Variants in PPWD1 observed in about 807,000 individuals in gnomAD.
PPWD1 encodes peptidylprolyl isomerase domain and WD repeat containing 1, also known as peptidylprolyl isomerase domain and WD repeat-containing protein 1.
A neutral mutation model predicts 68.8 loss-of-function variants in PPWD1; 43 were observed. The observed-to-expected ratio is 0.62, with a 90% CI of 0.49 to 0.81. PPWD1 has a LOEUF of 0.81. PPWD1 is among the 30% of genes least tolerant of loss of function. PPWD1 has a pLI of 0.00. For synonymous variants in PPWD1, 232 were observed against 258.7 expected (o/e 0.90, Z 0.99); for missense variants, 672 against 804.8 (o/e 0.83, Z 2.00).
At chr5:65,571,467 C>G (rs1005624746) in intron 4 of PPWD1, among the ~76,000 whole-genome samples, 9 of 152,112 alleles carry the variant, frequency 5.9e-5, no homozygotes, top group Admixed American at 2.6e-4. Flanking sequence ...ACATGCTAAT[C>G]TATTTTAAAG....
chr5:65,565,683 C>G (rs140843173), intron 1 of PPWD1, among the ~76,000 whole-genome samples: 7 of 151,868 alleles, frequency 4.6e-5, no homozygotes, highest in African/African-American at 9.7e-5. Flanking sequence ...TGGCGCACAC[C>G]TATAATCTCA....
chr5:65,574,503 C>A (rs1478088937), intron 5 of PPWD1, among the ~76,000 whole-genome samples: 2 of 137,066 alleles, frequency 1.5e-5, no homozygotes, highest in African/African-American at 2.8e-5. Flanking sequence ...GTTGCCCAGG[C>A]CGGACTGCGG....
intron 1 of PPWD1, among the ~76,000 whole-genome samples, chr5:65,566,057 A>T (rs905340473): frequency 2.6e-5 from 4 of 152,086 alleles, no homozygotes; most frequent in Admixed American, 6.5e-5. Context: ...ACTGTGTTTT[A>T]CTCTTCTTTA....
chr5:65,568,853 A>G (rs1322419068), intron 2 of PPWD1: 2 of 453,914 alleles, frequency 4.4e-6, no homozygotes, highest in African/African-American at 2.0e-5. Context: ...AACAGTATAT[A>G]TATACATATT....
intron 5 of PPWD1, among the ~76,000 whole-genome samples, chr5:65,573,734 C>A (rs1192264953): frequency 1.3e-5 from 2 of 150,904 alleles, no homozygotes; most frequent in African/African-American, 2.4e-5. Flanking sequence ...TTGATATGGT[C>A]ATATTATTTG....
At chr5:65,583,406 C>T in intron 8 of PPWD1, 187 bp downstream of exon 8, 2 of 523,334 alleles carry the variant, frequency 3.8e-6, no homozygotes, top group South Asian at 4.2e-5. Context: ...AATTTTTATG[C>T]ATATATACTT....
chr5:65,584,878 G>GAAAAAA, intron 8 of PPWD1, 136 bp from the exon 9 acceptor site: 8 of 1,162,762 alleles, frequency 6.9e-6, no homozygotes, highest in Non-Finnish European at 8.0e-6. Context: ...TAGAGATTAT[G>GAAAAAA]AAAAAAAAAA....
At chr5:65,584,949 C>A in intron 8 of PPWD1, 65 bp from the exon 9 acceptor site, 3 of 1,549,604 alleles carry the variant, frequency 1.9e-6, no homozygotes, top group Admixed American at 2.0e-5. Flanking sequence ...GGAAGCAGAA[C>A]TGCAAAGAAA....
chr5:65,577,027 G>C lies in PPWD1; in HGVS notation c.1118G>C (p.Gly373Ala). The change falls in exon 6 of 11, where the codon GGA (glycine) becomes GCA (alanine). Residue 373 changes from glycine to alanine, a missense_variant. By Grantham distance (60) the Gly-to-Ala change is moderately conservative (BLOSUM62 0). Around this residue, in one of 2 missense-constraint regions of PPWD1, gnomAD observed 484 missense variants for 646.2 expected, o/e 0.75. Transcript: ENST00000261308. Reference protein sequence around the residue: ...FDETGHFVLYGTMLGIKVINV... With the variant: ...FDETGHFVLYATMLGIKVINV... ...GAAACTGGACACTTCGTGCTGTATG[G>C]AACAATGCTGGGCATTAAAGTTATA... is the stretch of plus-strand genomic sequence containing the variant. 2 of 1,613,970 alleles carry C rather than the reference G, an allele frequency of 1.2e-6. No individual in the cohort carries two copies. The highest frequency in any genetic ancestry group is 1.3e-5 in the African/African-American group (1 of 75,046).
intron 10 of PPWD1, among the ~76,000 whole-genome samples, chr5:65,586,626 T>TATGCC (rs1753862452): frequency 6.6e-6 from 1 of 152,194 alleles, no homozygotes. Flanking sequence ...GCTCTATTGC[T>TATGCC]ATGCCATAAC....
chr5:65,581,609 A>G (rs1484695832), intron 7 of PPWD1, among the ~76,000 whole-genome samples: 1 of 152,328 alleles, frequency 6.6e-6, no homozygotes, highest in Non-Finnish European at 1.5e-5. Context: ...GCAAAAAAGG[A>G]TATTTCTTGA....
chr5:65,569,221 CTT>C (rs533737818), intron 2 of PPWD1: 9 of 301,370 alleles, frequency 3.0e-5, no homozygotes, highest in South Asian at 2.3e-4. Flanking sequence ...ATAAAAAAAA[CTT>C]TTGTTGAATT....
intron 6 of PPWD1, among the ~76,000 whole-genome samples, chr5:65,577,308 AGTT>A (rs1281943026): frequency 2.0e-5 from 3 of 152,216 alleles, no homozygotes; most frequent in Non-Finnish European, 4.4e-5. Flanking sequence ...CATAGTTTCA[AGTT>A]GTTGTGTGTT....
At chr5:65,566,257 T>G (rs1399022559) in intron 1 of PPWD1, among the ~76,000 whole-genome samples, 1 of 152,200 alleles carries the variant, frequency 6.6e-6, no homozygotes, top group African/African-American at 2.4e-5. Context: ...AGGCAGGCAG[T>G]CCAGGATTGG....
At chr5:65,579,273 T>G in intron 6 of PPWD1, 151 bp from the exon 7 acceptor site, 2 of 1,233,448 alleles carry the variant, frequency 1.6e-6, no homozygotes, top group Non-Finnish European at 2.1e-6. Context: ...AATTGATACC[T>G]TTTGGGGGGT....
At chr5:65,563,966 C>G in intron 1 of PPWD1, 1 of 846,766 alleles carries the variant, frequency 1.2e-6, no homozygotes. Context: ...ATAATTTCAA[C>G]TCTGACACTT....
intron 5 of PPWD1, among the ~76,000 whole-genome samples, chr5:65,573,935 T>G (rs1753155489): frequency 6.6e-6 from 1 of 152,208 alleles, no homozygotes; most frequent in South Asian, 2.1e-4. Flanking sequence ...TAAGAGTTTT[T>G]AATCCATGCA....
At chr5:65,568,181 G>GA (rs1389922690) in intron 2 of PPWD1, 1 of 152,150 alleles carries the variant, frequency 6.6e-6, no homozygotes, top group African/African-American at 2.4e-5. Flanking sequence ...CTGAGAAATT[G>GA]AAACTCCAAA....
Position 65,563,519 on chromosome 5 carries a change from A to G in PPWD1, c.196+13A>G, listed in dbSNP as rs369388140. 6.9e-6 allele frequency: 11 copies of G among 1,604,414 alleles called. No individual in the cohort carries two copies. The African/African-American group carries it at 9.4e-5, about 14-fold the overall frequency. On this transcript the variant is annotated intron_variant, in intron 1 of 10. Transcript: ENST00000261308. ...AAGAAGAGGAAAGGTAGCTGCAGAC[A>G]TAGTACCGGGACGAATTGGAGTGCT...
Sources: gnomAD v4.1 joint callset for allele counts (sites outside exome capture counted in the v4.1 genomes callset) on GRCh38, gnomAD v4.1.1 for gene constraint, gnomAD v4.1.1 regional missense constraint, MANE v1.5 for transcripts, NCBI Gene and HGNC (gene_info 2026-07-23, HGNC 2026-07-21) for gene names.